Variants in CACNB2 observed in about 807,000 individuals in gnomAD.
CACNB2 encodes the protein calcium voltage-gated channel auxiliary subunit beta 2.
Under a neutral mutation model 73.3 loss-of-function variants are expected in CACNB2, and 42 were observed. The observed-to-expected ratio is 0.57, with a 90% confidence interval of 0.45 to 0.74. The LOEUF (loss-of-function observed/expected upper bound fraction) is 0.74, where lower values mean the gene tolerates loss of function less well. Ranked by LOEUF, CACNB2 falls within the 30% of genes least tolerant of loss-of-function variation. CACNB2 has a pLI of 0.00. For synonymous variants in CACNB2, 348 were observed against 310.3 expected, an observed-to-expected ratio of 1.12 and a Z score of -1.28; for missense variants, 940 against 853.0, an observed-to-expected ratio of 1.10 and a Z score of -1.27.
At chr10:18,440,572 T>A (rs1206377499) in intron 3 of CACNB2, among the ~76,000 whole-genome samples, 2 of 152,074 alleles carry the variant, frequency 1.3e-5, no homozygotes, top group Non-Finnish European at 2.9e-5. Flanking sequence ...GAGGATCACT[T>A]AGAGGTTGCA....
Position 18,230,380 on chromosome 10 carries a change from C to CT in CACNB2, c.213+79413dup, listed in dbSNP as rs145994094. 7.7e-3 allele frequency among the ~76,000 whole-genome samples: 1,170 copies of CT among 151,992 alleles called. 15 individuals carry two copies. Among genetic ancestry groups the CT allele is most frequent in the African/African-American group, 0.027 (1,106 of 41,438 alleles). ...CACTCAAGTTGCCTGTTCCCTCGATCTTTTTTTTGTACTGTTATTAAACAC... is the reference window on the plus strand; with the variant it reads ...CACTCAAGTTGCCTGTTCCCTCGATCTTTTTTTTTGTACTGTTATTAAACAC... On this transcript the variant is annotated intron_variant, in intron 2 of 13. Transcript: ENST00000324631.
intron 2 of CACNB2, among the ~76,000 whole-genome samples, chr10:18,305,838 T>A (rs2039705982): frequency 6.6e-6 from 1 of 152,020 alleles, no homozygotes; most frequent in South Asian, 2.1e-4. Context: ...GTTAAGAGGC[T>A]GCATATAAAA....
intron 2 of CACNB2, among the ~76,000 whole-genome samples, chr10:18,160,878 G>A (rs182876823): frequency 6.6e-6 from 1 of 152,272 alleles, no homozygotes; most frequent in Non-Finnish European, 1.5e-5. Context: ...GTTCAGTATT[G>A]AGACATAATC....
intron 3 of CACNB2, among the ~76,000 whole-genome samples, chr10:18,478,902 T>C (rs189046697): frequency 2.4e-3 from 372 of 152,170 alleles, no homozygotes; most frequent in African/African-American, 8.3e-3. Context: ...GTGGGAGGGA[T>C]GTGGGGGACC....
chr10:18,357,106 G>A (rs569132500), intron 2 of CACNB2, among the ~76,000 whole-genome samples: 273 of 150,354 alleles, frequency 1.8e-3, no homozygotes, highest in Middle Eastern at 6.8e-3. Flanking sequence ...CACCATGCCC[G>A]GCTAATTTTT....
In CACNB2 at chr10:18,148,931, T is replaced by C. The variant is rs1036550128; in HGVS notation, c.121-1952T>C. Among the ~76,000 whole-genome samples the C allele has an allele frequency of 2.7e-5, 4 of 149,450 alleles. No individual in the cohort carries two copies. The East Asian group carries it at 7.9e-4, about 29-fold the overall frequency. On this transcript the variant is annotated intron_variant, in intron 1 of 13. Transcript: ENST00000324631. ...TTGCTTGAGCCCAGAGGGTGTGGGG[T>C]GTAGTCAAGGCTGCAGTGAGCCATG...
intron 2 of CACNB2, chr10:18,234,029 T>C (rs1437518606): frequency 2.0e-5 from 3 of 152,260 alleles, no homozygotes; most frequent in African/African-American, 7.2e-5. Context: ...CTGATGGTAC[T>C]TAGACATACC....
intron 2 of CACNB2, among the ~76,000 whole-genome samples, chr10:18,293,478 A>G (rs2039151231): frequency 6.6e-6 from 1 of 152,238 alleles, no homozygotes; most frequent in African/African-American, 2.4e-5. Flanking sequence ...CTAAAAGATT[A>G]ATTCTGTCAA....
rs564279571 is a variant in CACNB2, at chr10:18,496,907, T to C, written c.334-1448T>C. 6.0e-5 allele frequency among the ~76,000 whole-genome samples: 9 copies of C among 150,236 alleles called. No homozygotes were observed. The East Asian group carries it at 1.8e-3, about 29-fold the overall frequency. On this transcript the variant is annotated intron_variant, in intron 3 of 13. Coordinates refer to ENST00000324631, the MANE Select transcript of CACNB2 (RefSeq NM_201596.3). ...ACTATGTTACTTTGTATATATCATG[T>C]ATATAAGAAATACATAGAAGAGGCC... is the stretch of plus-strand genomic sequence containing the variant.
At position 18,504,111 on chromosome 10, in the gene CACNB2, G is replaced by T. The variant is rs148625742; in HGVS notation, c.594-2360G>T. Among the ~76,000 whole-genome samples, 150 of 152,304 alleles carry T rather than the reference G, an allele frequency of 9.8e-4. 1 individual carries two copies. The highest frequency in any genetic ancestry group is 6.8e-3 in the South Asian group (33 of 4,822). ...TCTTTCCCAAAATTGTTTGAGAAAT[G>T]TAGTCTCCTGTGTCTCCCAAATGGG... On this transcript the variant is annotated intron_variant, in intron 5 of 13. Transcript: ENST00000324631.
At chr10:18,502,806 G>T (rs2133051201) in intron 5 of CACNB2, among the ~76,000 whole-genome samples, 1 of 151,496 alleles carries the variant, frequency 6.6e-6, no homozygotes, top group African/African-American at 2.4e-5. Context: ...GGGACTACTT[G>T]AGGGTGGAGG....
chr10:18,439,738 A>C (rs1012538030), intron 3 of CACNB2, among the ~76,000 whole-genome samples: 9 of 152,152 alleles, frequency 5.9e-5, no homozygotes, highest in Non-Finnish European at 1.2e-4. Context: ...GCTTCTCTGC[A>C]AGAATAAGAA....
intron 2 of CACNB2, among the ~76,000 whole-genome samples, chr10:18,187,826 T>A (rs1218956919): frequency 6.6e-6 from 1 of 152,182 alleles, no homozygotes; most frequent in Non-Finnish European, 1.5e-5. Context: ...CGAACGATGC[T>A]CTTGTGAAGG....
intron 3 of CACNB2, among the ~76,000 whole-genome samples, chr10:18,453,211 AG>A (rs2047098814): frequency 6.6e-6 from 1 of 152,088 alleles, no homozygotes; most frequent in Non-Finnish European, 1.5e-5. Flanking sequence ...CGACAGCTGG[AG>A]GGATTTTCTT....
chr10:18,340,712 T>G (rs1389947747), intron 2 of CACNB2: 7 of 1,442,512 alleles, frequency 4.9e-6, no homozygotes, highest in Non-Finnish European at 6.3e-6. Context: ...CTGCTCTGCC[T>G]AAGTGGTTCT....
chr10:18,153,315 C>A (rs2031761112), intron 2 of CACNB2, among the ~76,000 whole-genome samples: 2 of 151,990 alleles, frequency 1.3e-5, no homozygotes, highest in African/African-American at 4.8e-5. Flanking sequence ...TCATTGAAAA[C>A]CCTCAAATGC....
intron 2 of CACNB2, among the ~76,000 whole-genome samples, chr10:18,170,003 A>C (rs2033117715): frequency 6.6e-6 from 1 of 152,196 alleles, no homozygotes; most frequent in East Asian, 1.9e-4. Context: ...AGGTGATGAC[A>C]AGATGGCTCC....
At chr10:18,261,647 C>G (rs1475431850) in intron 2 of CACNB2, among the ~76,000 whole-genome samples, 1 of 152,050 alleles carries the variant, frequency 6.6e-6, no homozygotes, top group African/African-American at 2.4e-5. Flanking sequence ...CTAGAGTAGT[C>G]CTGTTTTCAT....
intron 2 of CACNB2, among the ~76,000 whole-genome samples, chr10:18,161,966 C>G (rs1337730507): frequency 6.6e-6 from 1 of 151,978 alleles, no homozygotes; most frequent in Non-Finnish European, 1.5e-5. Flanking sequence ...AAAAATAATA[C>G]AATAGATGAA....
Sources: gnomAD v4.1 joint callset for allele counts (sites outside exome capture counted in the v4.1 genomes callset) on GRCh38, gnomAD v4.1.1 for gene constraint, MANE v1.5 for transcripts, NCBI Gene and HGNC (gene_info 2026-07-23, HGNC 2026-07-21) for gene names.